The following AFF4 variants were observed in gnomAD, a reference collection of about 807,000 sequenced individuals.
AFF4 encodes ALF transcription elongation factor 4.
Under a neutral mutation model 124.8 loss-of-function variants are expected in AFF4, and 13 were observed. The observed-to-expected ratio is 0.10, with a 90% confidence interval of 0.07 to 0.17. The LOEUF is 0.17. Ranked by LOEUF, AFF4 falls within the 10% of genes least tolerant of loss-of-function variation. The pLI, the probability that AFF4 is intolerant of heterozygous loss-of-function variation, is 1.00. For synonymous variants in AFF4, 477 were observed against 496.1 expected, an observed-to-expected ratio of 0.96 and a Z score of 0.51; for missense variants, 1,092 against 1,403.8, an observed-to-expected ratio of 0.78 and a Z score of 3.55.
chr5:132,922,548 G>A (rs111633831), intron 5 of AFF4, among the ~76,000 whole-genome samples: 17,545 of 152,132 alleles, frequency 0.12, 1,279 homozygotes, highest in South Asian at 0.19. Context: ...TTGGGAGGCC[G>A]AGGCAGGCGG....
rs1760464552 is a variant in AFF4 at position 132,898,399 on chromosome 5, G to T, written c.1227-7C>A. The T allele has an allele frequency of 1.2e-6, 2 of 1,611,362 alleles. No individual in the cohort carries two copies. The highest frequency in any genetic ancestry group is 2.2e-5 in the East Asian group (1 of 44,818). ...GTGTGAAGGTTCAGAGTTACTAAAA[G>T]AGATGAAATATACAAATGTCCAAAG... is the stretch of plus-strand genomic sequence containing the variant. On this transcript the variant is annotated splice_polypyrimidine_tract_variant and splice_region_variant and intron_variant, in intron 9 of 20. Transcript: ENST00000265343.
At chr5:132,910,786 T>G (rs1392335573) in intron 5 of AFF4, among the ~76,000 whole-genome samples, 1 of 152,226 alleles carries the variant, frequency 6.6e-6, no homozygotes, top group African/African-American at 2.4e-5. Context: ...TTCTAAGCAT[T>G]GGCACAGCGT....
intron 1 of AFF4, among the ~76,000 whole-genome samples, chr5:132,946,811 AG>A (rs1296691129): frequency 9.2e-5 from 14 of 152,242 alleles, no homozygotes; most frequent in Non-Finnish European, 2.1e-4. Context: ...TAAAAAAATT[AG>A]TACACCTTAA....
At chr5:132,949,632 G>A (rs1351686781) in intron 1 of AFF4, among the ~76,000 whole-genome samples, 2 of 151,638 alleles carry the variant, frequency 1.3e-5, no homozygotes, top group African/African-American at 4.8e-5. Flanking sequence ...GGTGGATCAC[G>A]AGGCCAGGAG....
At chr5:132,932,012 G>A (rs1385661534) in intron 4 of AFF4, among the ~76,000 whole-genome samples, 166 bp downstream of exon 4, 2 of 152,060 alleles carry the variant, frequency 1.3e-5, no homozygotes, top group Non-Finnish European at 2.9e-5. Context: ...AAGGCAAATG[G>A]TAAACAAAGA....
In AFF4 at chr5:132,880,529, A is replaced by ATGAT. The variant is rs1759948126; in HGVS notation, c.*529_*530insATCA. The stretch of plus-strand genomic sequence containing the variant: ...AATTGGAGTTAAGATTTCAAATATC[A>ATGAT]GGTCAGGTAGCAGGTGTAGAAAGAA... On this transcript the variant is annotated 3_prime_UTR_variant, in exon 21 of 21. Coordinates refer to ENST00000265343, the MANE Select transcript of AFF4 (RefSeq NM_014423.4). 2.8e-5 allele frequency: 11 copies of ATGAT among 394,372 alleles called. No homozygotes were observed. The highest frequency in any genetic ancestry group is 4.5e-5 in the Non-Finnish European group (10 of 223,630). The allele number at this position is 394,372 out of a possible 1,614,324, so 24.4% of individuals were successfully genotyped here.
At chr5:132,908,120 T>A (rs1581290947) in intron 5 of AFF4, among the ~76,000 whole-genome samples, 1 of 149,920 alleles carries the variant, frequency 6.7e-6, no homozygotes, top group East Asian at 1.9e-4. Context: ...CTTCCAGCTT[T>A]TTTTTTTTTA....
At chr5:132,950,635 C>G (rs566035763) in intron 1 of AFF4, among the ~76,000 whole-genome samples, 1 of 151,872 alleles carries the variant, frequency 6.6e-6, no homozygotes, top group African/African-American at 2.4e-5. Context: ...GGCGACGGTG[C>G]GAGACTCCAT....
chr5:132,934,228 G>T lies in AFF4; in HGVS notation c.837C>A (p.Ser279=). 1 of 1,614,150 alleles carries T rather than the reference G, an allele frequency of 6.2e-7. No homozygotes were observed. ...TCAGCTCAGTCATGCTGTTGCCATG[G>T]GATTGGCTGCTGTAGTGCTCAGAGG... ...KLSSEHYSSQ[S]HGNSMTELKP... Residue 279 remains serine, a synonymous_variant, in exon 3 of 21, where the codon TCC becomes TCA. Coordinates refer to ENST00000265343, the MANE Select transcript of AFF4 (RefSeq NM_014423.4).
rs187243248 is a variant in AFF4, at chr5:132,952,437, C to T, written c.-5+10822G>A. Among the ~76,000 whole-genome samples, 4 of 152,328 alleles carry T rather than the reference C, an allele frequency of 2.6e-5. No homozygotes were observed. The East Asian group carries it at 7.7e-4, about 29-fold the overall frequency. On this transcript the variant is annotated intron_variant, in intron 1 of 20. Transcript: ENST00000265343. ...CAGCCACTTATCTCTCCTTGATATA[C>T]TCTTTGGCTTCTGTAACACTTAGCC...
chr5:132,934,802 T>C lies in AFF4; in HGVS notation c.263A>G (p.Glu88Gly), dbSNP rs1278048100. ...TTCAAAGAAATTTGGGTTAGATTTT[T>C]CATCTGCTGATGGTGGTACTGTAGG... ...PKPTVPPSAD[E>G]KSNPNFFEQR... Residue 88 changes from glutamate to glycine, a missense_variant, in exon 3 of 21, where the codon GAA becomes GGA. Around this residue, in one of 11 missense-constraint regions of AFF4, gnomAD observed 35 missense variants for 70.9 expected, o/e 0.49. Coordinates refer to ENST00000265343, the MANE Select transcript of AFF4 (RefSeq NM_014423.4). The C allele has an allele frequency of 6.2e-7, 1 of 1,614,034 alleles. No homozygotes were observed. Among genetic ancestry groups the C allele is most frequent in the Non-Finnish European group, 8.5e-7 (1 of 1,180,028 alleles).
chr5:132,927,372 G>A, intron 4 of AFF4, 165 bp from the exon 5 acceptor site: 1 of 561,038 alleles, frequency 1.8e-6, no homozygotes. Context: ...AGGCACTATG[G>A]TGTAGGTAAT....
chr5:132,908,774 A>ATT lies in AFF4; in HGVS notation c.1051-4371_1051-4370insAA, dbSNP rs374776534. 8.4e-3 allele frequency among the ~76,000 whole-genome samples: 1,032 copies of ATT among 122,438 alleles called. 10 individuals carry two copies. Among genetic ancestry groups the ATT allele is most frequent in the East Asian group, 0.013 (54 of 4,048 alleles). 80.3% of individuals were successfully genotyped at this position (122,438 alleles called of 152,430 possible). On this transcript the variant is annotated intron_variant, in intron 5 of 20. Coordinates refer to ENST00000265343, the MANE Select transcript of AFF4 (RefSeq NM_014423.4). ...TATATATACATATATATATATATAT[A>ATT]TATTTTTTTTTTTTGAGACGGAATC...
intron 18 of AFF4, 81 bp downstream of exon 18, chr5:132,886,229 A>AT: frequency 8.2e-7 from 1 of 1,220,454 alleles, no homozygotes; most frequent in Non-Finnish European, 1.2e-6. Flanking sequence ...TTGCATAAAC[A>AT]TGAGGGCAGT....
chr5:132,904,302 G>T, intron 6 of AFF4, 66 bp downstream of exon 6: 2 of 1,345,874 alleles, frequency 1.5e-6, no homozygotes, highest in South Asian at 1.2e-5. Flanking sequence ...TATATGGTGT[G>T]ACCATGAAAA....
chr5:132,899,562 C>T (rs1760496580), intron 8 of AFF4, 25 bp downstream of exon 8: 1 of 1,589,328 alleles, frequency 6.3e-7, no homozygotes, highest in Non-Finnish European at 8.6e-7. Context: ...ATGAGACTGG[C>T]AAAATAATAC....
intron 5 of AFF4, among the ~76,000 whole-genome samples, chr5:132,922,656 T>C (rs1273773978): frequency 6.6e-6 from 1 of 150,432 alleles, no homozygotes; most frequent in Non-Finnish European, 1.5e-5. Context: ...GGCACGTGCC[T>C]GTAGTCCCAG....
chr5:132,919,837 G>C (rs764446974), intron 5 of AFF4, among the ~76,000 whole-genome samples: 1 of 152,040 alleles, frequency 6.6e-6, no homozygotes, highest in Non-Finnish European at 1.5e-5. Flanking sequence ...GTGACAGAGT[G>C]AGACTCTTTC....
Position 132,896,899 on chromosome 5 carries a change from C to T in AFF4, c.1731G>A (p.Glu577=). The T allele has an allele frequency of 6.2e-7, 1 of 1,614,186 alleles. No individual in the cohort carries two copies. The highest frequency in any genetic ancestry group is 1.1e-5 in the South Asian group (1 of 91,088). ...TTTCTATCTTCAGGCCTCCACGAGGCTCTTCAGCAGCTGCCTTCTCAGCCT... is the reference window on the plus strand; with the variant it reads ...TTTCTATCTTCAGGCCTCCACGAGGTTCTTCAGCAGCTGCCTTCTCAGCCT... ...PKKAEKAAAE[E]PRGGLKIESE... Residue 577 remains glutamate, a synonymous_variant, in exon 11 of 21, where the codon GAG becomes GAA. Coordinates refer to ENST00000265343, the MANE Select transcript of AFF4 (RefSeq NM_014423.4).
Sources: gnomAD v4.1 joint callset for allele counts (sites outside exome capture counted in the v4.1 genomes callset) on GRCh38, gnomAD v4.1.1 for gene constraint, gnomAD v4.1.1 regional missense constraint, MANE v1.5 for transcripts, NCBI Gene and HGNC (gene_info 2026-07-23, HGNC 2026-07-21) for gene names.